The following ADAM15 variants were observed in gnomAD, a reference collection of about 807,000 sequenced individuals.
ADAM15 encodes the protein disintegrin and metalloproteinase domain-containing protein 15.
In ADAM15, 77 loss-of-function variants were observed where a neutral mutation model predicts 113.8. The ratio of observed to expected loss-of-function variants is 0.68; its 90% CI spans 0.56 to 0.82. The LOEUF (loss-of-function observed/expected upper bound fraction) is 0.82. Ranked by LOEUF, ADAM15 falls within the 40% of genes least tolerant of loss-of-function variation. The pLI is 0.00. For missense variants in ADAM15, 963 were observed against 1,120.1 expected (o/e 0.86, Z 2.00); for synonymous variants, 388 against 454.1 (o/e 0.85, Z 1.85).
Position 155,061,475 on chromosome 1 carries a change from T to G in ADAM15, c.2338T>G (p.Ser780Ala), listed in dbSNP as rs749554922. The change falls in exon 20 of 23, where the codon TCC (serine) becomes GCC (alanine). Residue 780 changes from serine (S) to alanine (A), a missense_variant. Coordinates refer to ENST00000356955, the MANE Select transcript of ADAM15 (RefSeq NM_207197.3). The part of the protein sequence containing the change: ...PSRPLPPDPV[S>A]KRLQAELADR... The stretch of plus-strand genomic sequence containing the variant: ...CAGGCCGCTGCCGCCTGACCCTGTG[T>G]CCAAGAGACTCCAGGTAAATCTGGG... The G allele has an allele frequency of 1.9e-6, 3 of 1,613,552 alleles. No individual in the cohort carries two copies. The highest frequency in any genetic ancestry group is 2.5e-6 in the Non-Finnish European group (3 of 1,179,848).
Position 155,054,146 on chromosome 1 carries a change from G to T in ADAM15, c.343-4G>T. The T allele has an allele frequency of 6.2e-7, 1 of 1,613,924 alleles. No homozygotes were observed. Among genetic ancestry groups the T allele is most frequent in the Non-Finnish European group, 8.5e-7 (1 of 1,179,950 alleles). On this transcript the variant is annotated splice_polypyrimidine_tract_variant and splice_region_variant and intron_variant, in intron 4 of 22. Coordinates refer to ENST00000356955, the MANE Select transcript of ADAM15 (RefSeq NM_207197.3). The stretch of plus-strand genomic sequence containing the variant: ...ACAGCACTAATGTTGTTCCCATGCT[G>T]CAGGAGAACTGCTGCTACCAGGGAA...
rs1207665407 is a variant in ADAM15, at chr1:155,061,988, G to A, written c.2424+13G>A. The A allele has an allele frequency of 6.4e-7, 1 of 1,570,604 alleles. No individual in the cohort carries two copies. The highest frequency in any genetic ancestry group is 8.7e-7 in the Non-Finnish European group (1 of 1,155,408). On this transcript the variant is annotated intron_variant, in intron 21 of 22. Coordinates refer to ENST00000356955, the MANE Select transcript of ADAM15 (RefSeq NM_207197.3). ...GAGAAGCCCGAAGGTAACGGTGGGG[G>A]GAGAGAAGGGCACGGCCTCTCCCCC...
chr1:155,061,546 A>G (rs1662611324), intron 20 of ADAM15, 57 bp downstream of exon 20: 1 of 1,542,858 alleles, frequency 6.5e-7, no homozygotes, highest in South Asian at 1.1e-5. Context: ...TTGGTACCCA[A>G]CTGCAGTTCT....
Position 155,062,636 on chromosome 1 carries a change from C to A in ADAM15, c.*134C>A. On this transcript the variant is annotated 3_prime_UTR_variant, in exon 23 of 23. Transcript: ENST00000356955. This position sits in a 1 kb window ranked among gnomAD's most constrained non-coding sequence, Gnocchi z 7.0. ...TTAAGACTCCGGGCACCGCCACGCG[C>A]TGTCAAGCAACACTCTGCGGACCTG... 1 of 1,274,518 alleles carries A rather than the reference C, an allele frequency of 7.8e-7. No individual in the cohort carries two copies. The highest frequency in any genetic ancestry group is 1.1e-6 in the Non-Finnish European group (1 of 922,046). The allele number at this position is 1,274,518 out of a possible 1,614,324, so 79.0% of individuals were successfully genotyped here. A position where few individuals can be genotyped will look rare whatever the true frequency, so the allele number is the denominator to read the frequency against.
Position 155,062,433 on chromosome 1 carries a change from C to T in ADAM15, c.2550-27C>T. The T allele has an allele frequency of 6.8e-6, 11 of 1,613,146 alleles. No homozygotes were observed. Among genetic ancestry groups the T allele is most frequent in the Non-Finnish European group, 9.3e-6 (11 of 1,179,914 alleles). ...ACCTGGGGGAAAGGGGCCTCTGACT[C>T]TTTTTTCTTGGCTTCCCGCAATCCA... On this transcript the variant is annotated intron_variant, in intron 22 of 22. Coordinates refer to ENST00000356955, the MANE Select transcript of ADAM15 (RefSeq NM_207197.3). The surrounding 1 kb of genome is among the most constrained non-coding windows in gnomAD (Gnocchi z 7.0).
intron 16 of ADAM15, among the ~76,000 whole-genome samples, chr1:155,059,475 A>G (rs1347569314): frequency 6.6e-6 from 1 of 152,172 alleles, no homozygotes; most frequent in East Asian, 1.9e-4. Flanking sequence ...GGAAAAATTT[A>G]AAAATTATTC....
chr1:155,052,328 C>A lies in ADAM15; in HGVS notation c.80-343C>A, dbSNP rs1661155306. The A allele has an allele frequency of 7.0e-5, 43 of 609,994 alleles. No individual in the cohort carries two copies. The South Asian group carries it at 8.5e-4, about 12-fold the overall frequency. 37.8% of individuals were successfully genotyped at this position (609,994 alleles called of 1,614,324 possible). A position where few individuals can be genotyped will look rare whatever the true frequency, so the allele number is the denominator to read the frequency against. ...GGCTTAGCTCAGTCTCGAGAGGGGG[C>A]GTTCCTGAAGTGGGGGGAGAGTGAT... On this transcript the variant is annotated intron_variant, in intron 1 of 22. Transcript: ENST00000356955.
chr1:155,060,289 G>A lies in ADAM15; in HGVS notation c.2153G>A (p.Arg718His), dbSNP rs114710302. The change falls in exon 18 of 23, where the codon CGT becomes CAT. Residue 718 changes from arginine to histidine, a missense_variant. Transcript: ENST00000356955. ...LVMLGASYWY[R>H]ARLHQRLCQL... ...ATGCTTGGTGCCAGCTACTGGTACC[G>A]TGCCCGCCTGCACCAGCGACTCTGC... The A allele has an allele frequency of 3.8e-5, 62 of 1,614,006 alleles. No individual in the cohort carries two copies. In the Middle Eastern group the frequency reaches 6.6e-4, roughly 17 times the overall value.
In ADAM15 at chr1:155,060,317, G is replaced by A; in HGVS notation, c.2181G>A (p.Gln727=). Residue 727 remains glutamine, a synonymous_variant, in exon 18 of 23, where the codon CAG becomes CAA. Coordinates refer to ENST00000356955, the MANE Select transcript of ADAM15 (RefSeq NM_207197.3). ...YRARLHQRLC[Q]LKGPTCQYRA... ...CCCGCCTGCACCAGCGACTCTGCCA[G>A]CTCAAGGGACCCACCTGCCAGTACA... 1 of 1,614,080 alleles carries A rather than the reference G, an allele frequency of 6.2e-7. No individual in the cohort carries two copies. Among genetic ancestry groups the A allele is most frequent in the East Asian group, 2.2e-5 (1 of 44,882 alleles).
Position 155,057,210 on chromosome 1 carries a change from A to ACCAG in ADAM15, c.1171_1172insCCAG (p.Ser391ThrfsTer27), listed in dbSNP as rs1361541719. The ACCAG allele has an allele frequency of 1.8e-5, 29 of 1,613,670 alleles. No homozygotes were observed. Among genetic ancestry groups the ACCAG allele is most frequent in the Non-Finnish European group, 2.4e-5 (28 of 1,179,772 alleles). On this transcript the variant is annotated frameshift_variant, in exon 12 of 23. Transcript: ENST00000356955. LOFTEE classifies it high-confidence loss of function. This position sits in a 1 kb window ranked among gnomAD's most constrained non-coding sequence, Gnocchi z 5.0. ...CAGCTTCCTACCAGGCCTGAACTTC[A>ACCAG]GCAACTGCAGCCGACGGGCCCTGGA... is the stretch of plus-strand genomic sequence containing the variant.
chr1:155,060,331 C>T lies in ADAM15; in HGVS notation c.2195C>T (p.Thr732Ile). The T allele has an allele frequency of 6.2e-7, 1 of 1,614,140 alleles. No individual in the cohort carries two copies. The highest frequency in any genetic ancestry group is 1.1e-5 in the South Asian group (1 of 91,088). ...HQRLCQLKGP[T>I]CQYRAAQSGP... The stretch of plus-strand genomic sequence containing the variant: ...CGACTCTGCCAGCTCAAGGGACCCA[C>T]CTGCCAGTACAGGTATGAGCATCAC... Residue 732 changes from threonine to isoleucine, a missense_variant, in exon 18 of 23, where the codon ACC (threonine) becomes ATC (isoleucine). Transcript: ENST00000356955.
At position 155,056,326 on chromosome 1, in the gene ADAM15, C is replaced by T; in HGVS notation, c.915-60C>T. On this transcript the variant is annotated intron_variant, in intron 9 of 22. Transcript: ENST00000356955. This position sits in a 1 kb window ranked among gnomAD's most constrained non-coding sequence, Gnocchi z 4.0. ...ACACCCCTTCAGCACCCTACCTCAG[C>T]CCCTGAAGCTCTGACCACCGTGGCT... 5.0e-6 allele frequency: 8 copies of T among 1,610,498 alleles called. No individual in the cohort carries two copies. The highest frequency in any genetic ancestry group is 2.2e-5 in the East Asian group (1 of 44,850).
chr1:155,052,366 G>A (rs1396240172), intron 1 of ADAM15: 13 of 811,334 alleles, frequency 1.6e-5, no homozygotes, highest in Non-Finnish European at 2.3e-5. Context: ...GGAGGGAGTG[G>A]GAACCGGGGA....
At chr1:155,053,189 C>G (rs1261246521) in intron 2 of ADAM15, among the ~76,000 whole-genome samples, 2 of 142,616 alleles carry the variant, frequency 1.4e-5, no homozygotes, top group Non-Finnish European at 3.0e-5. Flanking sequence ...TGCTTCCTCT[C>G]TGGGCAGGAA....
chr1:155,054,125 C>T (rs1661453263), intron 4 of ADAM15, 25 bp from the exon 5 acceptor site: 1 of 1,613,776 alleles, frequency 6.2e-7, no homozygotes, highest in African/African-American at 1.3e-5. Context: ...TCTGAGACAG[C>T]ACTAATGTTG....
chr1:155,062,013 C>G lies in ADAM15; in HGVS notation c.2424+38C>G, dbSNP rs371886894. On this transcript the variant is annotated intron_variant, in intron 21 of 22. Transcript: ENST00000356955. This position sits in a 1 kb window ranked among gnomAD's most constrained non-coding sequence, Gnocchi z 7.0. ...GGAGAGAAGGGCACGGCCTCTCCCCCCACCTAGGGCTGTGGTGCTGGTAGC... is the reference window on the plus strand; with the variant it reads ...GGAGAGAAGGGCACGGCCTCTCCCCGCACCTAGGGCTGTGGTGCTGGTAGC... 6 of 1,505,234 alleles carry G rather than the reference C, an allele frequency of 4.0e-6. No homozygotes were observed. The highest frequency in any genetic ancestry group is 5.3e-6 in the Non-Finnish European group (6 of 1,125,682). The allele number at this position is 1,505,234 out of a possible 1,614,324, so 93.2% of individuals were successfully genotyped here.
rs774635054 is a variant in ADAM15 at position 155,058,452 on chromosome 1, T to A, written c.1917+11T>A. On this transcript the variant is annotated intron_variant, in intron 15 of 22. Coordinates refer to ENST00000356955, the MANE Select transcript of ADAM15 (RefSeq NM_207197.3). This position sits in a 1 kb window ranked among gnomAD's most constrained non-coding sequence, Gnocchi z 4.3. ...TGTGGCCCTGGCCTGGTGAGCAGCC[T>A]GGGTGGGCAAGACCAGGTGTGAGAA... The A allele has an allele frequency of 6.2e-7, 1 of 1,609,508 alleles. No homozygotes were observed. Among genetic ancestry groups the A allele is most frequent in the Admixed American group, 1.7e-5 (1 of 59,984 alleles).
At chr1:155,052,302 A>C (rs1048250551) in intron 1 of ADAM15, 1 of 563,754 alleles carries the variant, frequency 1.8e-6, no homozygotes, top group Non-Finnish European at 3.1e-6. Context: ...CCCGGCCACA[A>C]GGCTTAGCTC....
chr1:155,060,447 C>T, intron 18 of ADAM15, 104 bp downstream of exon 18: 1 of 1,513,514 alleles, frequency 6.6e-7, no homozygotes, highest in South Asian at 1.2e-5. Context: ...CCCCAGGCCC[C>T]TTGGACCTTA....
Sources: gnomAD v4.1 joint callset for allele counts (sites outside exome capture counted in the v4.1 genomes callset) on GRCh38, gnomAD v4.1.1 for gene constraint, Gnocchi (gnomAD v3.1) non-coding constraint, MANE v1.5 for transcripts, NCBI Gene and HGNC (gene_info 2026-07-23, HGNC 2026-07-21) for gene names.